Variants in CEP63 observed in about 807,000 individuals in gnomAD.
The protein encoded by CEP63 is centrosomal protein 63, also known as centrosomal protein of 63 kDa.
Under a neutral mutation model 89.1 loss-of-function variants are expected in CEP63, and 84 were observed. The observed-to-expected ratio is 0.94, with a 90% CI of 0.79 to 1.13. The LOEUF (loss-of-function observed/expected upper bound fraction) is 1.13, where lower values mean the gene tolerates loss of function less well. Ranked by LOEUF, CEP63 falls within the 50% of genes most tolerant of loss-of-function variation. The probability of loss-of-function intolerance (pLI) is 0.00; values close to 1 mark genes in which losing one functional copy is unlikely to be tolerated. For synonymous variants in CEP63, 267 were observed against 272.5 expected (o/e 0.98, Z 0.20); for missense variants, 838 against 813.3 (o/e 1.03, Z -0.37).
At chr3:134,567,880 G>C (rs1299185529), downstream of CEP63, among the ~76,000 whole-genome samples, 1 of 152,214 alleles carries the variant, frequency 6.6e-6, no homozygotes, top group Non-Finnish European at 1.5e-5. Flanking sequence ...AGTGCTTAGA[G>C]GAGGACTGTT....
At chr3:134,587,626 G>A (rs905624516) in exon 11 of CEP63, among the ~76,000 whole-genome samples, 1 of 152,106 alleles carries the variant, frequency 6.6e-6, no homozygotes, top group African/African-American at 2.4e-5. Context: ...CTACTGGGAG[G>A]TGTCTCTCTG....
rs201272081 is a variant in CEP63 at position 134,496,923 on chromosome 3, T to TC, written c.44+1566dup. ...ATATGAGAGTTCCCTTTTGTCCACA[T>TC]CCCCCCCAGCATTTGTTATATTTTG... is the stretch of plus-strand genomic sequence containing the variant. On this transcript the variant is annotated intron_variant, in intron 2 of 14. Coordinates refer to ENST00000675561, the MANE Select transcript of CEP63 (RefSeq NM_001353108.3). Among the ~76,000 whole-genome samples, 1,136 of 150,926 alleles carry TC rather than the reference T, an allele frequency of 7.5e-3. 23 individuals are homozygous for TC. The highest frequency in any genetic ancestry group is 0.074 in the South Asian group (354 of 4,810).
the CEP63 span, among the ~76,000 whole-genome samples, chr3:134,723,786 G>T: frequency 6.6e-6 from 1 of 152,234 alleles, no homozygotes; most frequent in Admixed American, 6.5e-5. Context: ...CACCAGCACA[G>T]TGGTCCTCTG....
chr3:134,689,601 G>T, the CEP63 span, among the ~76,000 whole-genome samples: 1 of 151,946 alleles, frequency 6.6e-6, no homozygotes, highest in Non-Finnish European at 1.5e-5. Flanking sequence ...ACAGGAGCCT[G>T]CCACCACGCT....
chr3:134,632,598 G>A, the CEP63 span, among the ~76,000 whole-genome samples: 4 of 151,860 alleles, frequency 2.6e-5, no homozygotes, highest in African/African-American at 9.7e-5. Context: ...GTGAGATGAA[G>A]CCAAAGCAGT....
intron 6 of CEP63, among the ~76,000 whole-genome samples, chr3:134,541,568 T>A (rs1483150634): frequency 6.8e-6 from 1 of 146,130 alleles, no homozygotes; most frequent in Non-Finnish European, 1.5e-5. Flanking sequence ...CAGGCTGGAG[T>A]GCAGTGGCAC....
chr3:134,673,514 C>G, the CEP63 span, among the ~76,000 whole-genome samples: 1 of 152,258 alleles, frequency 6.6e-6, no homozygotes, highest in East Asian at 1.9e-4. Flanking sequence ...ACACGCCTGA[C>G]AAAACATCAA....
chr3:134,690,729 A>G, the CEP63 span, among the ~76,000 whole-genome samples: 1 of 142,454 alleles, frequency 7.0e-6, no homozygotes, highest in African/African-American at 2.7e-5. Flanking sequence ...ATCATATTAG[A>G]AAGGAAGACC....
intron 6 of CEP63, among the ~76,000 whole-genome samples, 189 bp downstream of exon 6, chr3:134,537,457 C>A (rs949441115): frequency 7.9e-5 from 12 of 152,152 alleles, no homozygotes; most frequent in African/African-American, 2.9e-4. Flanking sequence ...CTCACACATG[C>A]GTGCATTCAC....
chr3:134,699,436 C>T, the CEP63 span, among the ~76,000 whole-genome samples: 1 of 152,190 alleles, frequency 6.6e-6, no homozygotes, highest in Admixed American at 6.5e-5. Flanking sequence ...AACACACAAG[C>T]GGCTAGCCTT....
chr3:134,725,452 C>T, the CEP63 span, among the ~76,000 whole-genome samples: 1 of 152,162 alleles, frequency 6.6e-6, no homozygotes, highest in Admixed American at 6.5e-5. Context: ...CCCTGCTCCC[C>T]ACCGAAGGGG....
chr3:134,506,300 A>G (rs780889264), intron 2 of CEP63, among the ~76,000 whole-genome samples: 26 of 152,248 alleles, frequency 1.7e-4, no homozygotes, highest in Non-Finnish European at 1.5e-5. Flanking sequence ...GGGCAGAAAT[A>G]GTTGAAATAA....
chr3:134,506,184 G>T (rs904122792), intron 2 of CEP63, among the ~76,000 whole-genome samples: 2 of 152,148 alleles, frequency 1.3e-5, no homozygotes, highest in Non-Finnish European at 2.9e-5. Context: ...TAATATATCT[G>T]TGTCCACTTC....
chr3:134,576,956 AAAAC>A (rs1958227559), downstream of CEP63, among the ~76,000 whole-genome samples: 1 of 152,234 alleles, frequency 6.6e-6, no homozygotes, highest in African/African-American at 2.4e-5. Flanking sequence ...CAATTAACTT[AAAAC>A]AAACAAAAAA....
the CEP63 span, chr3:134,639,949 CAAAAAAAAAAAAAAAAA>C: frequency 4.0e-5 from 2 of 49,656 alleles, no homozygotes; most frequent in African/African-American, 1.8e-4. Context: ...CACCCTGTCT[CAAAAAAAAAAAAAAAAA>C]AAAAAAAAAA....
chr3:134,659,152 T>C, the CEP63 span, among the ~76,000 whole-genome samples: 8 of 152,172 alleles, frequency 5.3e-5, no homozygotes, highest in African/African-American at 1.9e-4. Flanking sequence ...GATCAATCTG[T>C]CTTTCACCAC....
At chr3:134,709,859 T>C in the CEP63 span, among the ~76,000 whole-genome samples, 1 of 152,228 alleles carries the variant, frequency 6.6e-6, no homozygotes, top group South Asian at 2.1e-4. Context: ...CCGGCATTAA[T>C]AGAATAGGAT....
At chr3:134,687,646 C>T in the CEP63 span, among the ~76,000 whole-genome samples, 1 of 152,172 alleles carries the variant, frequency 6.6e-6, no homozygotes, top group African/African-American at 2.4e-5. Context: ...TGTGACAGAA[C>T]CCCACTCTGC....
At chr3:134,769,538 A>G in the CEP63 span, among the ~76,000 whole-genome samples, 1 of 152,252 alleles carries the variant, frequency 6.6e-6, no homozygotes, top group East Asian at 1.9e-4. Flanking sequence ...ACAGTTCCAC[A>G]GGGACTCCAA....
Sources: gnomAD v4.1 joint callset for allele counts (sites outside exome capture counted in the v4.1 genomes callset) on GRCh38, gnomAD v4.1.1 for gene constraint, MANE v1.5 for transcripts, NCBI Gene and HGNC (gene_info 2026-07-23, HGNC 2026-07-21) for gene names.